The following CHRM3 variants were observed in gnomAD, a reference collection of about 807,000 sequenced individuals.
CHRM3 encodes the protein cholinergic receptor muscarinic 3.
Under a neutral mutation model 41.8 loss-of-function variants are expected in CHRM3, and 11 were observed. That is an observed-to-expected ratio of 0.26 (90% CI 0.17 to 0.44). CHRM3 has a LOEUF of 0.44. Among genes scored for constraint, CHRM3 ranks in the 20% least tolerant of loss-of-function variants. The pLI is 1.00. For synonymous variants in CHRM3, 297 were observed against 301.4 expected (o/e 0.99, Z 0.15); for missense variants, 571 against 745.4 (o/e 0.77, Z 2.72).
chr1:239,899,398 TAC>T (rs138377007), intron 6 of CHRM3, among the ~76,000 whole-genome samples: 13,206 of 150,976 alleles, frequency 0.087, 813 homozygotes, highest in African/African-American at 0.18. Flanking sequence ...CATATACATA[TAC>T]ACACATATAC....
chr1:239,797,979 T>C (rs1163003653), intron 5 of CHRM3, among the ~76,000 whole-genome samples: 6 of 152,094 alleles, frequency 3.9e-5, no homozygotes, highest in Admixed American at 3.3e-4. Flanking sequence ...AGCCCAGGAG[T>C]TCAAAGCTGC....
At chr1:239,404,422 GAAAGAAAGAA>G (rs1660362399) in intron 1 of CHRM3, among the ~76,000 whole-genome samples, 2 of 90,842 alleles carry the variant, frequency 2.2e-5, no homozygotes, top group African/African-American at 4.9e-5. Context: ...AAGAAAGAAA[GAAAGAAAGAA>G]AGAAAGAAAG....
At chr1:239,653,035 C>G (rs1203455975) in intron 4 of CHRM3, among the ~76,000 whole-genome samples, 1 of 152,082 alleles carries the variant, frequency 6.6e-6, no homozygotes, top group Non-Finnish European at 1.5e-5. Flanking sequence ...TAATGAAAAA[C>G]CAGAGCCAGA....
intron 3 of CHRM3, among the ~76,000 whole-genome samples, chr1:239,548,468 C>T (rs1301659899): frequency 6.6e-6 from 1 of 152,206 alleles, no homozygotes; most frequent in African/African-American, 2.4e-5. Flanking sequence ...ATCTGACTTG[C>T]TTATAATTCA....
chr1:239,761,997 A>G (rs756175041), intron 5 of CHRM3, among the ~76,000 whole-genome samples: 1 of 152,100 alleles, frequency 6.6e-6, no homozygotes, highest in Non-Finnish European at 1.5e-5. Context: ...CCGGGAGTAG[A>G]CTGGAATGAT....
In CHRM3 at chr1:239,503,321, A is replaced by G. The variant is rs577519404; in HGVS notation, c.-422+10514A>G. Among the ~76,000 whole-genome samples, 331 of 152,242 alleles carry G rather than the reference A, an allele frequency of 2.2e-3. 2 individuals are homozygous for G. Among genetic ancestry groups the G allele is most frequent in the Non-Finnish European group, 3.8e-3 (258 of 67,996 alleles). ...CAACCCCTTTTACAAAAGCTGCAAA[A>G]AATAAAATAAAATACTTAGGAATAT... is the stretch of plus-strand genomic sequence containing the variant. On this transcript the variant is annotated intron_variant, in intron 2 of 6. Transcript: ENST00000676153.
At chr1:239,753,188 C>T (rs974366617) in intron 5 of CHRM3, among the ~76,000 whole-genome samples, 8 of 152,002 alleles carry the variant, frequency 5.3e-5, no homozygotes, top group East Asian at 1.9e-4. Context: ...TCAGGTCAAA[C>T]GTATAGATAG....
chr1:239,594,661 A>G (rs1190602960), intron 3 of CHRM3, among the ~76,000 whole-genome samples: 1 of 152,208 alleles, frequency 6.6e-6, no homozygotes, highest in Non-Finnish European at 1.5e-5. Context: ...TTCATTTTTA[A>G]TAGCTAAAAT....
intron 1 of CHRM3, among the ~76,000 whole-genome samples, chr1:239,453,798 G>A (rs769228609): frequency 2.0e-5 from 3 of 152,066 alleles, no homozygotes; most frequent in East Asian, 1.9e-4. Context: ...CTGGGATGGC[G>A]GCAGATGTCT....
chr1:239,476,669 A>G (rs1181752260), intron 1 of CHRM3, among the ~76,000 whole-genome samples: 3 of 152,224 alleles, frequency 2.0e-5, no homozygotes, highest in African/African-American at 7.2e-5. Flanking sequence ...TGCTACATAT[A>G]GGTTATCTGC....
At chr1:239,414,037 G>A (rs966258791) in intron 1 of CHRM3, among the ~76,000 whole-genome samples, 7 of 152,158 alleles carry the variant, frequency 4.6e-5, no homozygotes, top group East Asian at 1.9e-4. Context: ...TTTAGACTTC[G>A]CTAGGCCCTT....
At chr1:239,733,225 G>T (rs1426606612) in intron 5 of CHRM3, among the ~76,000 whole-genome samples, 1 of 151,934 alleles carries the variant, frequency 6.6e-6, no homozygotes, top group Non-Finnish European at 1.5e-5. Flanking sequence ...ATCCCAAATG[G>T]ATCCACCAAC....
chr1:239,473,307 C>T (rs532531462), intron 1 of CHRM3, among the ~76,000 whole-genome samples: 1 of 139,778 alleles, frequency 7.2e-6, no homozygotes, highest in South Asian at 2.3e-4. Context: ...AAAAGCAAGT[C>T]AGAGACTGGG....
At chr1:239,650,113 C>G (rs1387821064) in intron 4 of CHRM3, among the ~76,000 whole-genome samples, 2 of 152,064 alleles carry the variant, frequency 1.3e-5, no homozygotes, top group African/African-American at 4.8e-5. Context: ...GTGCAAGAGC[C>G]CAGGCTCTGG....
chr1:239,540,100 T>A (rs1658608577), intron 2 of CHRM3, among the ~76,000 whole-genome samples: 1 of 152,162 alleles, frequency 6.6e-6, no homozygotes, highest in Non-Finnish European at 1.5e-5. Flanking sequence ...TTTTTGTGAG[T>A]GCACTCTATG....
intron 1 of CHRM3, among the ~76,000 whole-genome samples, chr1:239,472,783 A>G (rs1666214845): frequency 6.6e-6 from 1 of 152,154 alleles, no homozygotes. Flanking sequence ...TGCTGGACTT[A>G]GTACCTAGGT....
chr1:239,667,206 A>T (rs1055650185), intron 4 of CHRM3, among the ~76,000 whole-genome samples: 1 of 152,174 alleles, frequency 6.6e-6, no homozygotes, highest in African/African-American at 2.4e-5. Context: ...TCTACAACAC[A>T]GATTTATTTA....
intron 5 of CHRM3, among the ~76,000 whole-genome samples, chr1:239,818,864 G>T (rs2149032210): frequency 6.6e-6 from 1 of 152,258 alleles, no homozygotes; most frequent in African/African-American, 2.4e-5. Context: ...AAAGCTAAGT[G>T]GACTTCCTTA....
intron 5 of CHRM3, among the ~76,000 whole-genome samples, chr1:239,795,084 C>T (rs1669661181): frequency 6.6e-6 from 1 of 152,026 alleles, no homozygotes; most frequent in Non-Finnish European, 1.5e-5. Flanking sequence ...ACAGAATTAT[C>T]CTTAATAAAT....
Sources: gnomAD v4.1 joint callset for allele counts (sites outside exome capture counted in the v4.1 genomes callset) on GRCh38, gnomAD v4.1.1 for gene constraint, MANE v1.5 for transcripts, NCBI Gene and HGNC (gene_info 2026-07-23, HGNC 2026-07-21) for gene names.